The following ADGRF5 variants were observed in gnomAD, a reference collection of about 807,000 sequenced individuals.
ADGRF5 encodes the protein adhesion G protein-coupled receptor F5.
A neutral mutation model predicts 132.3 loss-of-function variants in ADGRF5; 75 were observed. The observed-to-expected ratio is 0.57, with a 90% CI of 0.47 to 0.69. The LOEUF is 0.69. ADGRF5 is among the 30% of genes least tolerant of loss of function. The pLI, the probability that ADGRF5 is intolerant of heterozygous loss-of-function variation, is 0.00. For synonymous variants in ADGRF5, 629 were observed against 597.6 expected (o/e 1.05, Z -0.77); for missense variants, 1,516 against 1,630.6 (o/e 0.93, Z 1.21).
chr6:46,869,397 C>T, intron 11 of ADGRF5: 1 of 985,386 alleles, frequency 1.0e-6, no homozygotes, highest in Non-Finnish European at 1.2e-6. Context: ...AGGTTGCAAA[C>T]TTAGGGGTGT....
intron 1 of ADGRF5, among the ~76,000 whole-genome samples, chr6:46,931,092 T>G (rs1423371358): frequency 6.6e-6 from 1 of 152,100 alleles, no homozygotes; most frequent in African/African-American, 2.4e-5. Context: ...ACATAAAAAC[T>G]TCTAATCTTC....
At chr6:46,941,824 C>T (rs566338339) in intron 1 of ADGRF5, among the ~76,000 whole-genome samples, 3 of 152,276 alleles carry the variant, frequency 2.0e-5, no homozygotes, top group African/African-American at 7.2e-5. Flanking sequence ...TATCTTCAGC[C>T]GAGATGCTTC....
chr6:46,943,081 G>A (rs1778156132), intron 1 of ADGRF5, among the ~76,000 whole-genome samples: 1 of 152,012 alleles, frequency 6.6e-6, no homozygotes, highest in South Asian at 2.1e-4. Flanking sequence ...GACTAAAGGT[G>A]GGTCTCAAGT....
intron 1 of ADGRF5, among the ~76,000 whole-genome samples, chr6:46,915,857 C>A (rs1055873424): frequency 6.6e-6 from 1 of 152,092 alleles, no homozygotes; most frequent in Non-Finnish European, 1.5e-5. Flanking sequence ...AGAGGCAAAC[C>A]CACAACATTT....
At chr6:46,908,163 A>C (rs182117255) in intron 1 of ADGRF5, 2 of 152,346 alleles carry the variant, frequency 1.3e-5, no homozygotes, top group Admixed American at 1.3e-4. Flanking sequence ...TTTGGCAATC[A>C]AACACATTTT....
intron 13 of ADGRF5, among the ~76,000 whole-genome samples, chr6:46,866,359 A>G (rs1271733660): frequency 2.0e-5 from 3 of 152,092 alleles, no homozygotes; most frequent in African/African-American, 7.2e-5. Flanking sequence ...CATTGTGTCA[A>G]TGGGGTGTGA....
At chr6:46,890,476 G>A (rs1275349995) in intron 3 of ADGRF5, among the ~76,000 whole-genome samples, 1 of 152,078 alleles carries the variant, frequency 6.6e-6, no homozygotes, top group African/African-American at 2.4e-5. Flanking sequence ...CCAGCACTTT[G>A]GGAGGCCGAG....
chr6:46,915,962 C>T (rs1273569478), intron 1 of ADGRF5, among the ~76,000 whole-genome samples: 1 of 152,056 alleles, frequency 6.6e-6, no homozygotes, highest in African/African-American at 2.4e-5. Context: ...TTTCCCTTTC[C>T]TGGTTCTCAA....
At chr6:46,911,569 C>T (rs548067144) in intron 1 of ADGRF5, among the ~76,000 whole-genome samples, 1 of 152,302 alleles carries the variant, frequency 6.6e-6, no homozygotes, top group Admixed American at 6.5e-5. Flanking sequence ...GCAAAGGGCT[C>T]CCTCACAGAT....
intron 9 of ADGRF5, 23 bp from the exon 10 acceptor site, chr6:46,878,428 T>C (rs139739509): frequency 7.3e-5 from 100 of 1,370,992 alleles, no homozygotes; most frequent in African/African-American, 4.1e-4. Flanking sequence ...CACAAAATCA[T>C]GTATTATTAT....
intron 15 of ADGRF5, 30 bp downstream of exon 15, chr6:46,862,858 A>G: frequency 6.9e-7 from 1 of 1,456,420 alleles, no homozygotes; most frequent in South Asian, 1.1e-5. Context: ...CGCCCCACCA[A>G]GAGCTCAGAG....
At chr6:46,870,328 T>C (rs2150809248) in intron 11 of ADGRF5, among the ~76,000 whole-genome samples, 1 of 152,146 alleles carries the variant, frequency 6.6e-6, no homozygotes, top group East Asian at 1.9e-4. Context: ...AATTTTATTT[T>C]TATTTTTTAT....
intron 1 of ADGRF5, among the ~76,000 whole-genome samples, chr6:46,951,491 T>A (rs1778497858): frequency 6.6e-6 from 1 of 152,194 alleles, no homozygotes; most frequent in African/African-American, 2.4e-5. Flanking sequence ...CATTTGATTC[T>A]AGGTGAAATA....
Position 46,859,142 on chromosome 6 carries a change from T to C in ADGRF5, c.2761A>G (p.Ser921Gly), listed in dbSNP as rs919340702. The C allele has an allele frequency of 6.2e-7, 1 of 1,614,044 alleles. No individual in the cohort carries two copies. Among genetic ancestry groups the C allele is most frequent in the Non-Finnish European group, 8.5e-7 (1 of 1,179,926 alleles). The change falls in exon 17 of 21, where the codon AGC becomes GGC. Residue 921 changes from serine (S) to glycine (G), a missense_variant. By Grantham distance (56) the Ser-to-Gly change is moderately conservative. Coordinates refer to ENST00000283296, the MANE Select transcript of ADGRF5 (RefSeq NM_001098518.2). ...QDIQENNFAESLVMTTTVSHN... is the reference protein window; with the variant it reads ...QDIQENNFAEGLVMTTTVSHN... ...CTGACAGTGGTTGTCATCACTAAGC[T>C]CTCTGCAAAGTTATTTTCCTGGATA...
intron 14 of ADGRF5, among the ~76,000 whole-genome samples, chr6:46,863,641 C>A (rs527417268): frequency 2.6e-5 from 4 of 152,274 alleles, no homozygotes; most frequent in East Asian, 1.9e-4. Flanking sequence ...CATGACCAGG[C>A]AAGGATGGGG....
intron 1 of ADGRF5, among the ~76,000 whole-genome samples, chr6:46,909,339 CCTT>C (rs1175769011): frequency 6.6e-6 from 1 of 152,172 alleles, no homozygotes; most frequent in Non-Finnish European, 1.5e-5. Flanking sequence ...TTCCCGATCT[CCTT>C]CTCTTTTTAA....
At chr6:46,917,315 A>G (rs945795526) in intron 1 of ADGRF5, among the ~76,000 whole-genome samples, 2 of 152,010 alleles carry the variant, frequency 1.3e-5, no homozygotes, top group Non-Finnish European at 2.9e-5. Context: ...CATGAACCGC[A>G]TTTCTCTCCT....
At chr6:46,903,759 T>C (rs1775017731) in intron 2 of ADGRF5, among the ~76,000 whole-genome samples, 1 of 152,190 alleles carries the variant, frequency 6.6e-6, no homozygotes. Context: ...AGGGGTTTAT[T>C]TGTATCAAAA....
intron 1 of ADGRF5, among the ~76,000 whole-genome samples, chr6:46,933,734 G>A (rs983411116): frequency 3.9e-5 from 6 of 152,226 alleles, no homozygotes; most frequent in African/African-American, 1.4e-4. Context: ...CAGCTCCCAT[G>A]GCCTATCTCA....
Sources: gnomAD v4.1 joint callset for allele counts (sites outside exome capture counted in the v4.1 genomes callset) on GRCh38, gnomAD v4.1.1 for gene constraint, MANE v1.5 for transcripts, NCBI Gene and HGNC (gene_info 2026-07-23, HGNC 2026-07-21) for gene names.